The following MACF1 variants were observed in gnomAD, a reference collection of about 807,000 sequenced individuals.
MACF1 encodes the protein microtubule-actin cross-linking factor 1.
MACF1 carries 193 observed loss-of-function variants against 854.8 expected under a neutral mutation model. The observed-to-expected ratio is 0.23, with a 90% CI of 0.20 to 0.25. The LOEUF is 0.25. Among genes scored for constraint, MACF1 ranks in the 10% least tolerant of loss-of-function variants. The pLI is 1.00. For missense variants in MACF1, 7,722 were observed against 8,929.1 expected (o/e 0.86, Z 5.45); for synonymous variants, 3,185 against 3,226.7 (o/e 0.99, Z 0.44).
chr1:39,384,680 T>C (rs1177006226), intron 56 of MACF1, among the ~76,000 whole-genome samples: 9 of 152,230 alleles, frequency 5.9e-5, no homozygotes, highest in African/African-American at 2.2e-4. Context: ...AGATTGTATA[T>C]GCTCTTCGAA....
intron 57 of MACF1, 90 bp downstream of exon 57, chr1:39,386,019 T>C: frequency 2.1e-6 from 3 of 1,399,814 alleles, no homozygotes; most frequent in Non-Finnish European, 2.9e-6. Context: ...ATTCTAGGAT[T>C]CCCTTACGTA....
chr1:39,108,506 GTTTT>G (rs778050199), intron 2 of MACF1, among the ~76,000 whole-genome samples: 19 of 120,676 alleles, frequency 1.6e-4, no homozygotes, highest in African/African-American at 4.7e-4. Context: ...ACATGAGAGG[GTTTT>G]TTTTTTTTTT....
chr1:39,124,053 T>A (rs967443529), intron 2 of MACF1, among the ~76,000 whole-genome samples: 2 of 150,884 alleles, frequency 1.3e-5, no homozygotes, highest in African/African-American at 4.9e-5. Flanking sequence ...TCTTGTATTT[T>A]TTTTTTTTTT....
chr1:39,210,704 T>G (rs1236811106), intron 1 of MACF1, among the ~76,000 whole-genome samples: 2 of 152,184 alleles, frequency 1.3e-5, no homozygotes, highest in Non-Finnish European at 2.9e-5. Flanking sequence ...TCTGTGATTC[T>G]GATTCAGTTC....
intron 2 of MACF1, among the ~76,000 whole-genome samples, chr1:39,179,842 C>T (rs1333207888): frequency 6.6e-6 from 1 of 151,788 alleles, no homozygotes; most frequent in Admixed American, 6.6e-5. Context: ...TGGTGAAACC[C>T]CGTCTCTACT....
chr1:39,287,263 T>G (rs1645663546), intron 14 of MACF1, 23 bp from the exon 15 acceptor site: 1 of 1,607,802 alleles, frequency 6.2e-7, no homozygotes, highest in African/African-American at 1.3e-5. Flanking sequence ...AATCCTTTCC[T>G]TTTTTCTCTT....
intron 41 of MACF1, among the ~76,000 whole-genome samples, chr1:39,347,920 C>G (rs1018522619): frequency 1.3e-5 from 2 of 151,934 alleles, no homozygotes; most frequent in African/African-American, 4.9e-5. Context: ...AAGCTCAACT[C>G]AACATAATTA....
intron 21 of MACF1, 88 bp downstream of exon 21, chr1:39,297,833 G>T: frequency 1.4e-6 from 2 of 1,456,556 alleles, no homozygotes; most frequent in Non-Finnish European, 9.3e-7. Flanking sequence ...GAAAGCTCCA[G>T]GGCAATGGGC....
rs1644533788 is a variant in MACF1 at position 39,460,510 on chromosome 1, T to A, written c.21361-122T>A. ...TTCACAAAAGAAGCAAACACATAGATTTCATTGTTGATGGCCCCTGGAAGC... is the reference window on the plus strand; with the variant it reads ...TTCACAAAAGAAGCAAACACATAGAATTCATTGTTGATGGCCCCTGGAAGC... On this transcript the variant is annotated intron_variant, in intron 91 of 100. Coordinates refer to ENST00000564288, the MANE Select transcript of MACF1 (RefSeq NM_001394062.1). This position sits in a 1 kb window ranked among gnomAD's most constrained non-coding sequence, Gnocchi z 4.1. 2.5e-6 allele frequency: 2 copies of A among 810,784 alleles called. No individual in the cohort carries two copies. The highest frequency in any genetic ancestry group is 4.5e-5 in the Admixed American group (2 of 43,970). The allele number at this position is 810,784 out of a possible 1,614,324, so 50.2% of individuals were successfully genotyped here. A position where few individuals can be genotyped will look rare whatever the true frequency, so the allele number is the denominator to read the frequency against.
chr1:39,268,998 G>T (rs928417079), intron 6 of MACF1: 2 of 1,287,236 alleles, frequency 1.6e-6, no homozygotes, highest in South Asian at 2.5e-5. Flanking sequence ...ACGGGTAGTC[G>T]ATCGGGGGAT....
chr1:39,116,300 C>T (rs1373338477), intron 2 of MACF1, among the ~76,000 whole-genome samples: 17 of 152,036 alleles, frequency 1.1e-4, no homozygotes, highest in Admixed American at 1.1e-3. Context: ...GAGGGAATTT[C>T]TCCTGATGCT....
At chr1:39,234,749 C>T (rs1417890310) in intron 2 of MACF1, among the ~76,000 whole-genome samples, 2 of 127,428 alleles carry the variant, frequency 1.6e-5, no homozygotes, top group East Asian at 2.5e-4. Context: ...ACTTCTCAGA[C>T]GGGGCGGTTG....
chr1:39,146,509 C>T lies in MACF1; in HGVS notation c.220+62071C>T, dbSNP rs576674462. ...TACATATACACAATAGAGTACTAGT[C>T]GGCCATAAAAAAGAATGACATTCTG... is the stretch of plus-strand genomic sequence containing the variant. On this transcript the variant is annotated intron_variant, in intron 2 of 93. Transcript: ENST00000361689. 4.6e-5 allele frequency among the ~76,000 whole-genome samples: 7 copies of T among 151,130 alleles called. No individual in the cohort carries two copies. In the South Asian group the frequency reaches 8.5e-4, roughly 18 times the overall value.
chr1:39,182,981 A>G (rs1644124061), intron 2 of MACF1, among the ~76,000 whole-genome samples: 1 of 152,254 alleles, frequency 6.6e-6, no homozygotes, highest in Admixed American at 6.5e-5. Flanking sequence ...GAATGGATAA[A>G]CACACTGTGG....
intron 2 of MACF1, among the ~76,000 whole-genome samples, chr1:39,144,859 T>C (rs1643428206): frequency 6.6e-6 from 1 of 152,086 alleles, no homozygotes; most frequent in South Asian, 2.1e-4. Context: ...ATTGCTCCAT[T>C]CCTCCTAGAC....
At chr1:39,349,398 G>C (rs1222431221) in intron 41 of MACF1, 80 bp from the exon 42 acceptor site, 1 of 1,433,584 alleles carries the variant, frequency 7.0e-7, no homozygotes, top group Non-Finnish European at 9.5e-7. Flanking sequence ...TAACCTTCCT[G>C]TTTTACATTT....
chr1:39,251,204 A>G (rs981528335), intron 3 of MACF1, among the ~76,000 whole-genome samples: 2 of 151,946 alleles, frequency 1.3e-5, no homozygotes, highest in African/African-American at 4.8e-5. Flanking sequence ...AATTAATTAT[A>G]TATTTTTTAA....
Position 39,386,245 on chromosome 1 carries a change from CT to C in MACF1, c.14344+331del, listed in dbSNP as rs59189873. On this transcript the variant is annotated intron_variant, in intron 57 of 100. Transcript: ENST00000564288. The stretch of plus-strand genomic sequence containing the variant: ...CCACATATACTCTCATTGATACCCA[CT>C]TTTTTTTTTTTTTTAATATTATGCA... 2.2e-3 allele frequency among the ~76,000 whole-genome samples: 320 copies of C among 142,932 alleles called. 1 individual carries two copies. The highest frequency in any genetic ancestry group is 3.5e-3 in the Middle Eastern group (1 of 282). The allele number at this position is 142,932 out of a possible 152,430, so 93.8% of individuals were successfully genotyped here.
chr1:39,404,531 G>A (rs1367231312), intron 58 of MACF1, among the ~76,000 whole-genome samples: 4 of 151,842 alleles, frequency 2.6e-5, no homozygotes, highest in Admixed American at 1.3e-4. Context: ...TCACTCTGTC[G>A]CCAGGCTAGA....
Sources: allele counts gnomAD v4.1 joint callset (sites outside exome capture counted in the v4.1 genomes callset), GRCh38; gene constraint gnomAD v4.1.1; non-coding constraint Gnocchi (gnomAD v3.1); transcripts MANE v1.5; gene names NCBI Gene and HGNC (gene_info 2026-07-23, HGNC 2026-07-21).